The following KDM3A variants were observed in gnomAD, a reference collection of about 807,000 sequenced individuals.
KDM3A encodes lysine demethylase 3A.
Under a neutral mutation model 158.0 loss-of-function variants are expected in KDM3A, and 60 were observed. The observed-to-expected ratio is 0.38, with a 90% confidence interval of 0.31 to 0.47. The LOEUF (loss-of-function observed/expected upper bound fraction) is 0.47. Among genes scored for constraint, KDM3A ranks in the 20% least tolerant of loss-of-function variants. The probability of loss-of-function intolerance (pLI) is 0.99; values close to 1 mark genes in which losing one functional copy is unlikely to be tolerated. For missense variants in KDM3A, 1,319 were observed against 1,574.3 expected (o/e 0.84, Z 2.74); for synonymous variants, 608 against 549.3 (o/e 1.11, Z -1.49).
chr2:86,443,175 A>G (rs1200590615), intron 2 of KDM3A: 1 of 152,226 alleles, frequency 6.6e-6, no homozygotes, highest in Non-Finnish European at 1.5e-5. Context: ...AGCTTGTCAG[A>G]ACAGAAGATA....
chr2:86,484,294 C>G, intron 19 of KDM3A, 136 bp downstream of exon 19: 1 of 682,320 alleles, frequency 1.5e-6, no homozygotes, highest in South Asian at 1.9e-5. Context: ...GTCTCTCCTC[C>G]CCTTCCTTGT....
upstream of KDM3A, among the ~76,000 whole-genome samples, chr2:86,438,558 A>G (rs1682529287): frequency 6.6e-6 from 1 of 152,104 alleles, no homozygotes; most frequent in Non-Finnish European, 1.5e-5. Context: ...AATTTGATAT[A>G]GCCATTCCAC....
At chr2:86,469,139 G>A (rs573932658) in intron 10 of KDM3A, among the ~76,000 whole-genome samples, 1 of 152,166 alleles carries the variant, frequency 6.6e-6, no homozygotes, top group Admixed American at 6.5e-5. Context: ...ACAGCATCAT[G>A]TAGAAATTTA....
Position 86,451,228 on chromosome 2 carries a change from C to G in KDM3A, c.453+15C>G. Reference sequence around the variant, plus strand: ...AGCCTATACAGGTAAAACATAGAAACAGTAGTAAACATTAGAAACAGAAAT... The same window carrying G: ...AGCCTATACAGGTAAAACATAGAAAGAGTAGTAAACATTAGAAACAGAAAT... On this transcript the variant is annotated intron_variant, in intron 4 of 25. Coordinates refer to ENST00000312912, the MANE Select transcript of KDM3A (RefSeq NM_018433.6). The G allele has an allele frequency of 6.8e-7, 1 of 1,465,252 alleles. No homozygotes were observed. Among genetic ancestry groups the G allele is most frequent in the Non-Finnish European group, 9.4e-7 (1 of 1,066,904 alleles). 90.8% of individuals were successfully genotyped at this position (1,465,252 alleles called of 1,614,324 possible).
At chr2:86,478,547 A>T in intron 14 of KDM3A, 61 bp from the exon 15 acceptor site, 1 of 1,577,922 alleles carries the variant, frequency 6.3e-7, no homozygotes, top group Non-Finnish European at 8.7e-7. Flanking sequence ...CTGCTCTGTA[A>T]TGTTGAGGTT....
At chr2:86,447,411 A>C (rs1683000710) in intron 2 of KDM3A, among the ~76,000 whole-genome samples, 1 of 150,410 alleles carries the variant, frequency 6.6e-6, no homozygotes, top group Non-Finnish European at 1.5e-5. Flanking sequence ...ATGTTGCTTA[A>C]GTTTTGGGAA....
intron 8 of KDM3A, among the ~76,000 whole-genome samples, chr2:86,462,402 T>G (rs1248039942): frequency 6.6e-6 from 1 of 152,132 alleles, no homozygotes; most frequent in Non-Finnish European, 1.5e-5. Context: ...AATAAGCATT[T>G]CAAAATGATT....
rs1159759168 is a variant in KDM3A at position 86,477,960 on chromosome 2, G to A, written c.2023G>A (p.Val675Met). The A allele has an allele frequency of 6.2e-7, 1 of 1,614,148 alleles. No homozygotes were observed. Among genetic ancestry groups the A allele is most frequent in the Non-Finnish European group, 8.5e-7 (1 of 1,180,018 alleles). The part of the protein sequence containing the change: ...CDTTIFNLHW[V>M]CPRCGFGVCV... Reference sequence around the variant, plus strand: ...CACCACCATCTTCAACCTGCACTGGGTGTGTCCTCGGTGTGGGTTTGGAGT... The same window carrying A: ...CACCACCATCTTCAACCTGCACTGGATGTGTCCTCGGTGTGGGTTTGGAGT... Residue 675 changes from valine to methionine, a missense_variant, in exon 13 of 26, where the codon GTG becomes ATG. Physicochemically the swap from Val to Met is conservative, Grantham distance 21. This residue lies in a region of KDM3A where 113 missense variants were observed against 190.5 expected (regional missense o/e 0.59). Transcript: ENST00000312912.
chr2:86,445,553 T>C (rs1447962761), intron 2 of KDM3A, among the ~76,000 whole-genome samples: 2 of 152,172 alleles, frequency 1.3e-5, no homozygotes, highest in Non-Finnish European at 2.9e-5. Flanking sequence ...AGCCTACCTG[T>C]TTCTTGCGTC....
chr2:86,480,560 TC>T (rs1342277834), intron 16 of KDM3A, among the ~76,000 whole-genome samples, 198 bp downstream of exon 16: 3 of 152,202 alleles, frequency 2.0e-5, no homozygotes, highest in Non-Finnish European at 4.4e-5. Flanking sequence ...TTTAGGGACT[TC>T]CACCTTCTGG....
chr2:86,440,864 C>G (rs967006411), upstream of KDM3A: 11 of 152,412 alleles, frequency 7.2e-5, no homozygotes, highest in African/African-American at 1.7e-4. Flanking sequence ...TGCCCTCCCC[C>G]GCTAACCCTG....
intron 2 of KDM3A, among the ~76,000 whole-genome samples, chr2:86,444,749 T>G (rs1309909873): frequency 6.6e-6 from 1 of 152,146 alleles, no homozygotes; most frequent in Admixed American, 6.5e-5. Context: ...CAAATACAAG[T>G]CTGTCTAGAC....
In KDM3A at chr2:86,441,426, C is replaced by G. The variant is rs1372985985; in HGVS notation, c.-49C>G. The G allele has an allele frequency of 6.6e-6, 1 of 152,308 alleles. No individual in the cohort carries two copies. Among genetic ancestry groups the G allele is most frequent in the Non-Finnish European group, 1.5e-5 (1 of 68,226 alleles). 9.4% of individuals were successfully genotyped at this position (152,308 alleles called of 1,614,324 possible). ...GAAACGGCGGCTGCCGCCGGTGACT[C>G]AGGGAGGCGGGAGGCGGGGTAAGAG... On this transcript the variant is annotated 5_prime_UTR_variant, in exon 1 of 26. Transcript: ENST00000312912.
chr2:86,462,021 T>C (rs1672951886), intron 8 of KDM3A, among the ~76,000 whole-genome samples: 1 of 152,140 alleles, frequency 6.6e-6, no homozygotes, highest in Non-Finnish European at 1.5e-5. Context: ...AGAAGAGATC[T>C]TGGGTAGGAT....
At chr2:86,474,715 G>GTT in intron 11 of KDM3A, 61 bp from the exon 12 acceptor site, 1 of 724,234 alleles carries the variant, frequency 1.4e-6, no homozygotes, top group Non-Finnish European at 2.5e-6. Flanking sequence ...GTGTGTGTGT[G>GTT]TGTGTGTGTG....
upstream of KDM3A, among the ~76,000 whole-genome samples, chr2:86,440,356 G>A (rs1353444537): frequency 6.6e-6 from 1 of 152,136 alleles, no homozygotes; most frequent in African/African-American, 2.4e-5. Flanking sequence ...AGGATTAAAT[G>A]TGATGTAATG....
At chr2:86,482,376 A>G (rs1262634956) in intron 17 of KDM3A, 82 bp from the exon 18 acceptor site, 2 of 1,559,958 alleles carry the variant, frequency 1.3e-6, no homozygotes, top group Non-Finnish European at 1.7e-6. Context: ...CTGGATATGT[A>G]ATCTATACTC....
At chr2:86,445,569 C>T (rs1005025955) in intron 2 of KDM3A, among the ~76,000 whole-genome samples, 5 of 152,124 alleles carry the variant, frequency 3.3e-5, no homozygotes, top group African/African-American at 1.2e-4. Context: ...GCGTCTAATG[C>T]CCCTTCTTAG....
At chr2:86,448,104 T>G (rs1683028021) in intron 2 of KDM3A, among the ~76,000 whole-genome samples, 1 of 152,250 alleles carries the variant, frequency 6.6e-6, no homozygotes, top group South Asian at 2.1e-4. Flanking sequence ...ACGTGGGTGT[T>G]CACATTTATT....
Sources: gnomAD v4.1 joint callset for allele counts (sites outside exome capture counted in the v4.1 genomes callset) on GRCh38, gnomAD v4.1.1 for gene constraint, gnomAD v4.1.1 regional missense constraint, MANE v1.5 for transcripts, NCBI Gene and HGNC (gene_info 2026-07-23, HGNC 2026-07-21) for gene names.